The following RBFOX1 variants were observed in gnomAD, a reference collection of about 807,000 sequenced individuals.
The protein encoded by RBFOX1 is RNA binding fox-1 homolog 1.
In RBFOX1, 8 loss-of-function variants were observed where a neutral mutation model predicts 57.7. That is an observed-to-expected ratio of 0.14 (90% CI 0.08 to 0.25). The LOEUF is 0.25. Among genes scored for constraint, RBFOX1 ranks in the 10% least tolerant of loss-of-function variants. The pLI is 1.00. For missense variants in RBFOX1, 611 were observed against 548.5 expected (o/e 1.11, Z -1.14); for synonymous variants, 326 against 222.4 (o/e 1.47, Z -4.15).
At chr16:5,998,778 T>G (rs1199936421) in intron 4 of RBFOX1, among the ~76,000 whole-genome samples, 1 of 152,222 alleles carries the variant, frequency 6.6e-6, no homozygotes, top group Non-Finnish European at 1.5e-5. Flanking sequence ...CTCCTTCTGG[T>G]CTGTCGGCAT....
chr16:6,242,874 A>T (rs1398581766), intron 1 of RBFOX1, among the ~76,000 whole-genome samples: 1 of 152,140 alleles, frequency 6.6e-6, no homozygotes, highest in South Asian at 2.1e-4. Context: ...GTTTTTAACC[A>T]ATGTTAAAAC....
intron 2 of RBFOX1, among the ~76,000 whole-genome samples, chr16:6,489,399 T>A (rs2095579412): frequency 6.6e-6 from 1 of 152,198 alleles, no homozygotes; most frequent in Non-Finnish European, 1.5e-5. Flanking sequence ...ATTCATTGAA[T>A]CTTTAAGATA....
rs554557324 is a variant in RBFOX1, at chr16:7,358,514, G to A, written c.28-159633G>A. On this transcript the variant is annotated intron_variant, in intron 4 of 15. Coordinates refer to ENST00000550418, the MANE Select transcript of RBFOX1 (RefSeq NM_018723.4). Reference sequence around the variant, plus strand: ...CAGCTCACTGCAACCTCCACCTCCCGGGTTCAAGCAATTCTCTTGCCTCAG... The same window carrying A: ...CAGCTCACTGCAACCTCCACCTCCCAGGTTCAAGCAATTCTCTTGCCTCAG... Among the ~76,000 whole-genome samples the A allele has an allele frequency of 2.2e-4, 34 of 152,066 alleles. 1 individual carries two copies. In the Middle Eastern group the frequency reaches 0.01, roughly 46 times the overall value.
chr16:7,397,325 C>T (rs538900312), intron 4 of RBFOX1, among the ~76,000 whole-genome samples: 3 of 152,276 alleles, frequency 2.0e-5, no homozygotes, highest in Admixed American at 6.5e-5. Flanking sequence ...ATGCTATTCA[C>T]TTTGCAAGTG....
chr16:5,917,343 G>T (rs1434766723), intron 4 of RBFOX1, among the ~76,000 whole-genome samples: 9 of 152,192 alleles, frequency 5.9e-5, no homozygotes, highest in African/African-American at 2.2e-4. Flanking sequence ...CGGACATGCT[G>T]CTAAGCACTT....
At chr16:5,633,080 A>G (rs987254167) in intron 3 of RBFOX1, among the ~76,000 whole-genome samples, 1 of 151,728 alleles carries the variant, frequency 6.6e-6, no homozygotes, top group African/African-American at 2.4e-5. Context: ...CTGGGACTGT[A>G]GGCACCAGTC....
chr16:5,480,176 G>A (rs1034174070), intron 2 of RBFOX1, among the ~76,000 whole-genome samples: 9 of 152,094 alleles, frequency 5.9e-5, no homozygotes, highest in African/African-American at 1.9e-4. Context: ...TCTTTCATCC[G>A]GAGATGCATA....
intron 4 of RBFOX1, among the ~76,000 whole-genome samples, chr16:7,158,145 G>A (rs896184888): frequency 3.3e-5 from 5 of 152,030 alleles, no homozygotes; most frequent in African/African-American, 4.8e-5. Context: ...TCAGGAGTTC[G>A]AGAACAGCCT....
Position 5,862,093 on chromosome 16 carries a change from G to A in RBFOX1, c.319-5210G>A, listed in dbSNP as rs146688789. 2.8e-3 allele frequency among the ~76,000 whole-genome samples: 419 copies of A among 152,270 alleles called. 1 individual carries two copies. Among genetic ancestry groups the A allele is most frequent in the African/African-American group, 9.5e-3 (394 of 41,570 alleles). On this transcript the variant is annotated intron_variant, in intron 3 of 19. Coordinates refer to the RBFOX1 transcript ENST00000641259. ...CACATGTGTGTCATTCATTTCATAC[G>A]CTGGTGTCAGACCATTCCATAAGTC...
chr16:6,742,792 A>G (rs1190235262), intron 3 of RBFOX1, among the ~76,000 whole-genome samples: 3 of 152,184 alleles, frequency 2.0e-5, no homozygotes, highest in South Asian at 2.1e-4. Context: ...TGAGAGAAGT[A>G]TAAAGATTTG....
intron 3 of RBFOX1, among the ~76,000 whole-genome samples, chr16:6,862,298 CTGTT>C (rs1468243136): frequency 6.6e-6 from 1 of 152,130 alleles, no homozygotes; most frequent in Non-Finnish European, 1.5e-5. Context: ...GGAGTGGAGA[CTGTT>C]TGCCTTGTGA....
At chr16:6,538,268 G>C (rs2096762369) in intron 2 of RBFOX1, among the ~76,000 whole-genome samples, 3 of 152,140 alleles carry the variant, frequency 2.0e-5, no homozygotes, top group Admixed American at 1.3e-4. Flanking sequence ...GGCAGGAAGA[G>C]TCCTTGAACA....
At chr16:5,729,253 T>A (rs1051747972) in intron 3 of RBFOX1, among the ~76,000 whole-genome samples, 3 of 152,194 alleles carry the variant, frequency 2.0e-5, no homozygotes, top group African/African-American at 7.2e-5. Context: ...AGATGCTTCA[T>A]ACCTAGAGGT....
At chr16:5,544,779 A>G (rs753323596) in intron 2 of RBFOX1, among the ~76,000 whole-genome samples, 1 of 152,104 alleles carries the variant, frequency 6.6e-6, no homozygotes, top group Non-Finnish European at 1.5e-5. Flanking sequence ...ATGCTCATAA[A>G]TTTGACAAAA....
At chr16:7,165,366 G>C (rs2079207195) in intron 4 of RBFOX1, among the ~76,000 whole-genome samples, 1 of 123,754 alleles carries the variant, frequency 8.1e-6, no homozygotes, top group African/African-American at 3.1e-5. Flanking sequence ...GGCTACTAGA[G>C]GCCCAGATCA....
chr16:6,199,736 A>G (rs1474447722), intron 1 of RBFOX1, among the ~76,000 whole-genome samples: 1 of 152,230 alleles, frequency 6.6e-6, no homozygotes, highest in Non-Finnish European at 1.5e-5. Flanking sequence ...TGTGAAAACC[A>G]GTAAAGAAGT....
intron 2 of RBFOX1, among the ~76,000 whole-genome samples, chr16:5,488,462 G>T (rs2042713055): frequency 6.6e-6 from 1 of 151,412 alleles, no homozygotes. Flanking sequence ...TGAAGATGAT[G>T]GTGTGGTGGG....
intron 3 of RBFOX1, among the ~76,000 whole-genome samples, chr16:6,757,332 A>T (rs1337184129): frequency 2.0e-5 from 3 of 152,206 alleles, no homozygotes; most frequent in Non-Finnish European, 4.4e-5. Context: ...AATATCTGAA[A>T]GGACCTGCAC....
intron 1 of RBFOX1, among the ~76,000 whole-genome samples, chr16:5,332,632 G>A (rs2341520): frequency 0.95 from 142,009 of 150,136 alleles, 66,941 homozygotes; most frequent in South Asian, 0.98. Flanking sequence ...ATTACATATC[G>A]TATATTTATA....
Sources: allele counts gnomAD v4.1 joint callset (sites outside exome capture counted in the v4.1 genomes callset), GRCh38; gene constraint gnomAD v4.1.1; transcripts MANE v1.5; gene names NCBI Gene and HGNC (gene_info 2026-07-23, HGNC 2026-07-21).